The following CPS1 variants were observed in gnomAD, a reference collection of about 807,000 sequenced individuals.
The protein encoded by CPS1 is carbamoyl-phosphate synthase 1.
CPS1 carries 109 observed loss-of-function variants against 174.6 expected under a neutral mutation model. That is an observed-to-expected ratio of 0.62 (90% confidence interval 0.53 to 0.73). CPS1 has a LOEUF of 0.73. CPS1 is among the 30% of genes least tolerant of loss of function. The probability of loss-of-function intolerance (pLI) is 0.00; values close to 1 mark genes in which losing one functional copy is unlikely to be tolerated. For missense variants in CPS1, 1,689 were observed against 1,821.9 expected, an observed-to-expected ratio of 0.93 and a Z score of 1.33; for synonymous variants, 637 against 632.0, an observed-to-expected ratio of 1.01 and a Z score of -0.12.
At chr2:210,625,454 C>T (rs996338745) in intron 21 of CPS1, among the ~76,000 whole-genome samples, 3 of 151,960 alleles carry the variant, frequency 2.0e-5, no homozygotes, top group South Asian at 2.1e-4. Flanking sequence ...ATACAAGTCT[C>T]GATGTACAGT....
intron 1 of CPS1, among the ~76,000 whole-genome samples, chr2:210,511,332 G>T (rs1695485911): frequency 6.6e-6 from 1 of 152,062 alleles, no homozygotes; most frequent in Non-Finnish European, 1.5e-5. Flanking sequence ...AATGAACAAT[G>T]AGAACACATG....
At chr2:210,537,130 A>G (rs554894097) in intron 1 of CPS1, among the ~76,000 whole-genome samples, 15 of 152,352 alleles carry the variant, frequency 9.8e-5, no homozygotes, top group African/African-American at 2.6e-4. Flanking sequence ...GATATTATAT[A>G]TTAGCTAAAG....
intron 1 of CPS1, among the ~76,000 whole-genome samples, chr2:210,535,889 T>C (rs1178795140): frequency 7.0e-6 from 1 of 142,920 alleles, no homozygotes; most frequent in Non-Finnish European, 1.5e-5. Context: ...CTACGCAGCA[T>C]AACTCCTGCT....
intron 1 of CPS1, among the ~76,000 whole-genome samples, chr2:210,502,472 T>TA (rs1695169798): frequency 1.5e-5 from 2 of 133,246 alleles, no homozygotes; most frequent in Non-Finnish European, 3.4e-5. Context: ...GATATATATA[T>TA]TTATATATAA....
chr2:210,623,576 T>C (rs1379917343), intron 21 of CPS1, among the ~76,000 whole-genome samples: 2 of 152,124 alleles, frequency 1.3e-5, no homozygotes, highest in Non-Finnish European at 2.9e-5. Context: ...TGATAAACTA[T>C]GTCCATTGGT....
chr2:210,574,499 G>A (rs1277137452), intron 2 of CPS1, among the ~76,000 whole-genome samples: 2 of 152,054 alleles, frequency 1.3e-5, no homozygotes, highest in Non-Finnish European at 2.9e-5. Flanking sequence ...TAGTTCCACT[G>A]GTGAGAACAT....
At chr2:210,586,176 T>G (rs1698100399) in intron 6 of CPS1, among the ~76,000 whole-genome samples, 1 of 151,870 alleles carries the variant, frequency 6.6e-6, no homozygotes, top group Admixed American at 6.6e-5. Context: ...TTCCTAGAAA[T>G]TAGTACTGAG....
chr2:210,608,493 C>T lies in CPS1; in HGVS notation c.2325C>T (p.Arg775=). Residue 775 remains arginine (R), a synonymous_variant, in exon 19 of 38, where the codon CGC becomes CGT. Coordinates refer to ENST00000233072, the MANE Select transcript of CPS1 (RefSeq NM_001875.5). ...ATTACATGGTCACCAAGATTCCCCGCTGGGATCTTGACCGTTTTCATGGAA... is the reference window on the plus strand; with the variant it reads ...ATTACATGGTCACCAAGATTCCCCGTTGGGATCTTGACCGTTTTCATGGAA... ...SLDYMVTKIP[R]WDLDRFHGTS... is the part of the protein sequence containing the mutation. 1 of 1,612,370 alleles carries T rather than the reference C, an allele frequency of 6.2e-7. No homozygotes were observed. Among genetic ancestry groups the T allele is most frequent in the Non-Finnish European group, 8.5e-7 (1 of 1,178,874 alleles).
At chr2:210,537,152 GT>G (rs1486866410) in intron 1 of CPS1, among the ~76,000 whole-genome samples, 2 of 152,200 alleles carry the variant, frequency 1.3e-5, no homozygotes, top group African/African-American at 4.8e-5. Flanking sequence ...TGAATTATGG[GT>G]TTTGGGTTTC....
rs1701313146 is a variant in CPS1, at chr2:210,671,783, TCCACCTGGGGG to T, written c.4102-3118_4102-3108del. The stretch of plus-strand genomic sequence containing the variant: ...ACTGTCATGTTGGATATTTATCTTT[TCCACCTGGGGG>T]ACAACACTGAAACAGCTCCATAATG... On this transcript the variant is annotated intron_variant, in intron 34 of 37. Transcript: ENST00000233072. 2.0e-5 allele frequency: 3 copies of T among 152,166 alleles called. No individual in the cohort carries two copies. The South Asian group carries it at 6.2e-4, about 32-fold the overall frequency. The allele number at this position is 152,166 out of a possible 1,614,324, so 9.4% of individuals were successfully genotyped here. A position where few individuals can be genotyped will look rare whatever the true frequency, so the allele number is the denominator to read the frequency against.
chr2:210,608,663 GGACAGTGTTAAAGGTGCAATT>G (rs1699010138), intron 19 of CPS1, 104 bp downstream of exon 19: 1 of 1,080,976 alleles, frequency 9.3e-7, no homozygotes, highest in Non-Finnish European at 1.4e-6. Context: ...ATCAACACAT[GGACAGTGTTAAAGGTGCAATT>G]GACAGTGTTA....
At chr2:210,605,633 A>C (rs1034940388) in intron 17 of CPS1, among the ~76,000 whole-genome samples, 1 of 151,910 alleles carries the variant, frequency 6.6e-6, no homozygotes, top group Non-Finnish European at 1.5e-5. Flanking sequence ...TTTTTCAGAA[A>C]AGTACACTAG....
At position 210,600,692 on chromosome 2, in the gene CPS1, C is replaced by T. The variant is rs1170089633; in HGVS notation, c.1687C>T (p.Pro563Ser). The part of the protein sequence containing the change: ...KLNEINEKIA[P>S]SFAVESIEDA... Reference sequence around the variant, plus strand: ...AAATGAGATCAATGAAAAGATTGCTCCAAGTTTTGCAGTGGAATCGGTAAG... The same window carrying T: ...AAATGAGATCAATGAAAAGATTGCTTCAAGTTTTGCAGTGGAATCGGTAAG... The change falls in exon 15 of 38, where the codon CCA becomes TCA. Residue 563 changes from proline to serine, a missense_variant. Coordinates refer to ENST00000233072, the MANE Select transcript of CPS1 (RefSeq NM_001875.5). 9 of 1,611,748 alleles carry T rather than the reference C, an allele frequency of 5.6e-6. No homozygotes were observed. The highest frequency in any genetic ancestry group is 7.6e-6 in the Non-Finnish European group (9 of 1,178,634).
At chr2:210,492,842 A>G (rs1408682799) in intron 1 of CPS1, among the ~76,000 whole-genome samples, 5 of 150,432 alleles carry the variant, frequency 3.3e-5, no homozygotes, top group Non-Finnish European at 5.9e-5. Context: ...ATTGAAATAC[A>G]GTTATACAAT....
intron 1 of CPS1, among the ~76,000 whole-genome samples, chr2:210,526,306 A>G (rs182568611): frequency 6.6e-6 from 1 of 151,832 alleles, no homozygotes; most frequent in East Asian, 2.0e-4. Context: ...GGGTGCAGCA[A>G]ACCACCATGG....
intron 10 of CPS1, 54 bp from the exon 11 acceptor site, chr2:210,592,825 C>T: frequency 4.7e-6 from 7 of 1,499,812 alleles, no homozygotes; most frequent in Non-Finnish European, 6.5e-6. Context: ...TACATAGCCA[C>T]ACTTGACATT....
At chr2:210,486,504 G>A (rs188061315) in intron 1 of CPS1, among the ~76,000 whole-genome samples, 89 of 152,096 alleles carry the variant, frequency 5.9e-4, no homozygotes, top group African/African-American at 2.0e-3. Context: ...CCATAGGATG[G>A]GCTGAAGCCT....
intron 21 of CPS1, chr2:210,618,482 C>T (rs1159580707): frequency 6.6e-6 from 1 of 152,102 alleles, no homozygotes; most frequent in East Asian, 1.9e-4. Flanking sequence ...ACGGCGTTAG[C>T]AAACCTAAAC....
intron 6 of CPS1, among the ~76,000 whole-genome samples, chr2:210,583,570 G>C (rs1391506805): frequency 6.6e-6 from 1 of 152,110 alleles, no homozygotes; most frequent in African/African-American, 2.4e-5. Context: ...GAAGAACCAG[G>C]AGAACTTTGT....
Sources: gnomAD v4.1 joint callset for allele counts (sites outside exome capture counted in the v4.1 genomes callset) on GRCh38, gnomAD v4.1.1 for gene constraint, MANE v1.5 for transcripts, NCBI Gene and HGNC (gene_info 2026-07-23, HGNC 2026-07-21) for gene names.